The following FBXL4 variants were observed in gnomAD, a reference collection of about 807,000 sequenced individuals.
FBXL4 encodes F-box and leucine rich repeat protein 4.
Under a neutral mutation model 58.9 loss-of-function variants are expected in FBXL4, and 40 were observed. The ratio of observed to expected loss-of-function variants is 0.68; its 90% CI spans 0.53 to 0.88. The LOEUF is 0.88. Ranked by LOEUF, FBXL4 falls within the 40% of genes least tolerant of loss-of-function variation. FBXL4 has a pLI of 0.00. For missense variants in FBXL4, 676 were observed against 734.4 expected (o/e 0.92, Z 0.92); for synonymous variants, 263 against 265.5 (o/e 0.99, Z 0.09).
chr6:98,876,649 A>C (rs560120691), intron 8 of FBXL4, among the ~76,000 whole-genome samples: 1 of 152,198 alleles, frequency 6.6e-6, no homozygotes, highest in Non-Finnish European at 1.5e-5. Context: ...AAATACATTC[A>C]AAGAGTGACA....
Position 98,871,260 on chromosome 6 carries a change from G to C in FBXL4, c.*3018C>G, listed in dbSNP as rs753405395. ...ATTAAATTAGCCTTTTGGCAAGAATGGTTGCTTAAAGAATTGAGAACACTG... is the reference window on the plus strand; with the variant it reads ...ATTAAATTAGCCTTTTGGCAAGAATCGTTGCTTAAAGAATTGAGAACACTG... On this transcript the variant is annotated 3_prime_UTR_variant, in exon 10 of 10. Coordinates refer to ENST00000369244, the MANE Select transcript of FBXL4 (RefSeq NM_001278716.2). 2 of 152,088 alleles carry C rather than the reference G, an allele frequency of 1.3e-5. No individual in the cohort carries two copies. Among genetic ancestry groups the C allele is most frequent in the African/African-American group, 4.8e-5 (2 of 41,396 alleles). The allele number at this position is 152,088 out of a possible 1,614,324, so 9.4% of individuals were successfully genotyped here.
chr6:98,911,018 G>A (rs1385765585), intron 5 of FBXL4, among the ~76,000 whole-genome samples: 3 of 152,206 alleles, frequency 2.0e-5, no homozygotes, highest in Admixed American at 6.5e-5. Context: ...GGCGCACCAG[G>A]AGATTATATC....
At chr6:98,929,869 G>T (rs566889384) in intron 2 of FBXL4, among the ~76,000 whole-genome samples, 136 of 152,262 alleles carry the variant, frequency 8.9e-4, no homozygotes, top group South Asian at 1.7e-3. Flanking sequence ...AAGGCAATGG[G>T]GGGAAAGTCA....
intron 6 of FBXL4, among the ~76,000 whole-genome samples, chr6:98,903,653 A>C (rs1771696466): frequency 6.6e-6 from 1 of 152,142 alleles, no homozygotes; most frequent in South Asian, 2.1e-4. Context: ...TTTTCTTCTT[A>C]TAAGTGATGT....
At chr6:98,880,663 T>C (rs1770821624) in intron 7 of FBXL4, 39 bp from the exon 8 acceptor site, 1 of 1,531,780 alleles carries the variant, frequency 6.5e-7, no homozygotes, top group South Asian at 1.1e-5. Flanking sequence ...ATATGGAAAG[T>C]GAATGAAAGT....
intron 7 of FBXL4, among the ~76,000 whole-genome samples, chr6:98,882,895 G>A (rs1207120075): frequency 6.6e-6 from 1 of 151,970 alleles, no homozygotes. Flanking sequence ...AACAGTGTTA[G>A]AATAAACATT....
intron 5 of FBXL4, among the ~76,000 whole-genome samples, chr6:98,914,098 C>G (rs1392105811): frequency 2.6e-5 from 4 of 152,220 alleles, no homozygotes; most frequent in Non-Finnish European, 5.9e-5. Flanking sequence ...CTCATACACT[C>G]TCCCAAGGCT....
intron 1 of FBXL4, among the ~76,000 whole-genome samples, chr6:98,947,049 T>C (rs548651354): frequency 2.8e-4 from 43 of 152,372 alleles, no homozygotes; most frequent in African/African-American, 1.0e-3. Context: ...CTGGTGGTAA[T>C]GTGCCCTCCG....
At chr6:98,934,735 A>G (rs1404671048) in intron 2 of FBXL4, 27 bp downstream of exon 2, 1 of 152,196 alleles carries the variant, frequency 6.6e-6, no homozygotes, top group Non-Finnish European at 1.5e-5. Context: ...AAGGCCCCAA[A>G]GTAGAAAAAA....
intron 5 of FBXL4, among the ~76,000 whole-genome samples, chr6:98,910,177 G>A (rs1377520589): frequency 1.3e-5 from 2 of 152,150 alleles, no homozygotes; most frequent in Non-Finnish European, 2.9e-5. Context: ...AGACAGAAAT[G>A]CTTGGCCCTA....
intron 7 of FBXL4, among the ~76,000 whole-genome samples, chr6:98,898,108 G>A (rs1014737893): frequency 1.3e-5 from 2 of 151,972 alleles, no homozygotes; most frequent in Non-Finnish European, 2.9e-5. Flanking sequence ...AACTAGAAGG[G>A]GTGCTACAGT....
chr6:98,875,577 A>C lies in FBXL4; in HGVS notation c.1540T>G (p.Trp514Gly), dbSNP rs1411907961. The change falls in exon 9 of 10, where the codon TGG becomes GGG. Residue 514 changes from tryptophan (W) to glycine (G), a missense_variant. Coordinates refer to ENST00000369244, the MANE Select transcript of FBXL4 (RefSeq NM_001278716.2). The stretch of plus-strand genomic sequence containing the variant: ...GTGCTGCTCTGCAGAGTTGGGCACC[A>C]GCCAAGGTCAAGCTCCTCCAGTAGT... ...CPLLEELDLG[W>G]CPTLQSSTGC... The C allele has an allele frequency of 8.7e-6, 14 of 1,614,192 alleles. No individual in the cohort carries two copies. Among genetic ancestry groups the C allele is most frequent in the Non-Finnish European group, 1.1e-5 (13 of 1,180,028 alleles).
intron 5 of FBXL4, among the ~76,000 whole-genome samples, chr6:98,909,588 A>G (rs965710385): frequency 6.6e-6 from 1 of 152,176 alleles, no homozygotes; most frequent in African/African-American, 2.4e-5. Flanking sequence ...ATTTGCTGAA[A>G]TTATATTTCT....
chr6:98,912,434 G>A (rs912676778), intron 5 of FBXL4, among the ~76,000 whole-genome samples: 6 of 152,238 alleles, frequency 3.9e-5, no homozygotes, highest in Middle Eastern at 3.4e-3. Flanking sequence ...GAGAAAGGTC[G>A]GGTTACCCAC....
chr6:98,923,490 T>G (rs115947328), intron 4 of FBXL4, among the ~76,000 whole-genome samples: 1 of 152,166 alleles, frequency 6.6e-6, no homozygotes, highest in African/African-American at 2.4e-5. Flanking sequence ...TCAAACACCA[T>G]GATCTTAGCT....
intron 6 of FBXL4, among the ~76,000 whole-genome samples, chr6:98,902,673 A>G (rs1438246418): frequency 6.6e-6 from 1 of 152,096 alleles, no homozygotes; most frequent in Non-Finnish European, 1.5e-5. Flanking sequence ...AAGGCCATTC[A>G]GCAAATATTT....
At position 98,868,813 on chromosome 6, in the gene FBXL4, T is replaced by C. The variant is rs1204912400; in HGVS notation, c.*5465A>G. 1 of 152,194 alleles carries C rather than the reference T, an allele frequency of 6.6e-6. No homozygotes were observed. The highest frequency in any genetic ancestry group is 1.5e-5 in the Non-Finnish European group (1 of 68,030). 9.4% of individuals were successfully genotyped at this position (152,194 alleles called of 1,614,324 possible). On this transcript the variant is annotated 3_prime_UTR_variant, in exon 10 of 10. Transcript: ENST00000369244. ...ATACATAGATTAAAATATCCCTAAA[T>C]GTCAATTTTAGCAGGACTACCTTTT...
chr6:98,876,983 G>A (rs890815961), intron 8 of FBXL4, among the ~76,000 whole-genome samples: 4 of 152,154 alleles, frequency 2.6e-5, no homozygotes, highest in African/African-American at 9.7e-5. Context: ...GCTTCTGTCT[G>A]GAGGATGGGC....
At chr6:98,941,606 C>G (rs888639395) in intron 1 of FBXL4, among the ~76,000 whole-genome samples, 1 of 152,136 alleles carries the variant, frequency 6.6e-6, no homozygotes, top group African/African-American at 2.4e-5. Flanking sequence ...GCATGTTCTG[C>G]CCACTTGTTC....
Sources: allele counts gnomAD v4.1 joint callset (sites outside exome capture counted in the v4.1 genomes callset), GRCh38; gene constraint gnomAD v4.1.1; transcripts MANE v1.5; gene names NCBI Gene and HGNC (gene_info 2026-07-23, HGNC 2026-07-21).